The following ADAMTS17 variants were observed in gnomAD, a reference collection of about 807,000 sequenced individuals.
The protein encoded by ADAMTS17 is A disintegrin and metalloproteinase with thrombospondin motifs 17.
In ADAMTS17, 113 loss-of-function variants were observed where a neutral mutation model predicts 141.5. That is an observed-to-expected ratio of 0.80 (90% confidence interval 0.69 to 0.93). The LOEUF (loss-of-function observed/expected upper bound fraction) is 0.93. Ranked by LOEUF, ADAMTS17 falls within the 40% of genes least tolerant of loss-of-function variation. ADAMTS17 has a pLI of 0.00. For missense variants in ADAMTS17, 1,659 were observed against 1,517.9 expected (o/e 1.09, Z -1.54); for synonymous variants, 768 against 630.6 (o/e 1.22, Z -3.27).
chr15:100,054,103 G>A lies in ADAMTS17; in HGVS notation c.2138-49C>T, dbSNP rs760432310. The A allele has an allele frequency of 5.0e-6, 8 of 1,607,888 alleles. No individual in the cohort carries two copies. In the East Asian group the frequency reaches 1.1e-4, roughly 22 times the overall value. The stretch of plus-strand genomic sequence containing the variant: ...AGAATCAAGGGGCTGGGGGTAGGGG[G>A]ATCCAGCCTGTCTTTAAACGGAATC... On this transcript the variant is annotated intron_variant, in intron 15 of 21. Transcript: ENST00000268070.
chr15:100,341,203 G>C lies in ADAMTS17; in HGVS notation c.286C>G (p.Leu96Val), dbSNP rs2046355113. ...GACAGGAAGCGCAGGTCGCGGCGCA[G>C]CTGAAGGTACAGGTCGCGCCCGAAG... ...PAFGRDLYLQLRRDLRFLSRG... is the reference protein window; with the variant it reads ...PAFGRDLYLQVRRDLRFLSRG... Residue 96 changes from leucine to valine, a missense_variant, in exon 2 of 22, where the codon CTG (leucine) becomes GTG (valine). Leu to Val is a conservative substitution (Grantham distance 32). Coordinates refer to ENST00000268070, the MANE Select transcript of ADAMTS17 (RefSeq NM_139057.4). 1 of 1,460,436 alleles carries C rather than the reference G, an allele frequency of 6.8e-7. No individual in the cohort carries two copies. The highest frequency in any genetic ancestry group is 2.3e-5 in the Admixed American group (1 of 43,002). 90.5% of individuals were successfully genotyped at this position (1,460,436 alleles called of 1,614,324 possible).
chr15:100,107,481 C>T lies in ADAMTS17; in HGVS notation c.2016+1508G>A, dbSNP rs1420332412. Among the ~76,000 whole-genome samples the T allele has an allele frequency of 1.7e-4, 26 of 152,084 alleles. 1 individual carries two copies. ...ACGTGGTCATAGGATGACAGGAACG[C>T]GTATGTGTGGCTGAGGGCAGAGCGC... On this transcript the variant is annotated intron_variant, in intron 14 of 21. Coordinates refer to ENST00000268070, the MANE Select transcript of ADAMTS17 (RefSeq NM_139057.4).
At chr15:100,116,133 A>AT (rs1491123439) in intron 13 of ADAMTS17, among the ~76,000 whole-genome samples, 1 of 30,804 alleles carries the variant, frequency 3.2e-5, no homozygotes, top group Non-Finnish European at 6.9e-5. Flanking sequence ...AGTTTTAGGT[A>AT]AAAAAAAAAA....
chr15:100,160,468 T>C (rs1472160111), intron 8 of ADAMTS17, among the ~76,000 whole-genome samples: 1 of 152,162 alleles, frequency 6.6e-6, no homozygotes, highest in Non-Finnish European at 1.5e-5. Flanking sequence ...GGAAGAAAAT[T>C]TCATGAGCTT....
At chr15:100,025,777 C>T (rs8043264) in intron 18 of ADAMTS17, among the ~76,000 whole-genome samples, 1 of 152,032 alleles carries the variant, frequency 6.6e-6, no homozygotes, top group Admixed American at 6.5e-5. Flanking sequence ...TACACTTGAT[C>T]TCAACTTTGT....
intron 8 of ADAMTS17, among the ~76,000 whole-genome samples, chr15:100,188,345 G>A (rs571987444): frequency 8.2e-4 from 124 of 151,934 alleles, no homozygotes; most frequent in African/African-American, 2.9e-3. Context: ...CCGAAATGCT[G>A]GGATTTTAGG....
At chr15:100,341,739 G>T in intron 1 of ADAMTS17, 82 bp downstream of exon 1, 1 of 1,481,476 alleles carries the variant, frequency 6.8e-7, no homozygotes, top group South Asian at 1.3e-5. Flanking sequence ...CGCCGCCCCC[G>T]GGCCGCCAGG....
chr15:100,080,863 T>C (rs933568883), intron 15 of ADAMTS17, among the ~76,000 whole-genome samples: 12 of 152,226 alleles, frequency 7.9e-5, no homozygotes, highest in Non-Finnish European at 1.2e-4. Flanking sequence ...GTACGAAGGA[T>C]AGCTGTAGTA....
At chr15:100,075,506 C>T (rs1261271570) in intron 15 of ADAMTS17, among the ~76,000 whole-genome samples, 2 of 152,140 alleles carry the variant, frequency 1.3e-5, no homozygotes, top group African/African-American at 4.8e-5. Context: ...ATGAGTGGCT[C>T]CATAAAATGT....
intron 12 of ADAMTS17, among the ~76,000 whole-genome samples, chr15:100,120,970 TAA>T (rs2037423172): frequency 6.6e-6 from 1 of 152,104 alleles, no homozygotes; most frequent in Admixed American, 6.5e-5. Flanking sequence ...AAGGCACAGA[TAA>T]AGACAGGAAG....
At position 100,229,712 on chromosome 15, in the gene ADAMTS17, A is replaced by T. The variant is rs74689701; in HGVS notation, c.1075+24424T>A. Among the ~76,000 whole-genome samples, 1,254 of 152,282 alleles carry T rather than the reference A, an allele frequency of 8.2e-3. 11 individuals are homozygous for T. Among genetic ancestry groups the T allele is most frequent in the South Asian group, 0.043 (208 of 4,820 alleles). On this transcript the variant is annotated intron_variant, in intron 7 of 21. Transcript: ENST00000268070. ...TGCTGACACGCCTCCTCCCACAACA[A>T]AACACCCACAGAGCCTCAGGAGAAC...
chr15:100,076,300 C>A lies in ADAMTS17; in HGVS notation c.2137+20056G>T, dbSNP rs2034373096. On this transcript the variant is annotated intron_variant, in intron 15 of 21. Transcript: ENST00000268070. ...TCAGGTGATCCACCTGCCCCGGCCTCCCAAAGTGCTGGGGTTACAGGCGTG... is the reference window on the plus strand; with the variant it reads ...TCAGGTGATCCACCTGCCCCGGCCTACCAAAGTGCTGGGGTTACAGGCGTG... Among the ~76,000 whole-genome samples the A allele has an allele frequency of 2.0e-5, 3 of 152,314 alleles. No homozygotes were observed. The South Asian group carries it at 6.2e-4, about 32-fold the overall frequency.
chr15:100,038,738 T>C (rs1275347542), intron 18 of ADAMTS17, among the ~76,000 whole-genome samples: 1 of 152,262 alleles, frequency 6.6e-6, no homozygotes, highest in African/African-American at 2.4e-5. Context: ...ATTATCTGTA[T>C]ACAAGATCAT....
intron 12 of ADAMTS17, 84 bp downstream of exon 12, chr15:100,131,923 C>G: frequency 1.9e-6 from 3 of 1,600,956 alleles, no homozygotes; most frequent in Non-Finnish European, 2.6e-6. Context: ...GGGAGACAGA[C>G]CCTGCTTTGT....
At chr15:100,157,630 TG>T (rs2039495375) in intron 8 of ADAMTS17, among the ~76,000 whole-genome samples, 1 of 152,152 alleles carries the variant, frequency 6.6e-6, no homozygotes, top group Admixed American at 6.5e-5. Context: ...AGCGAGCATT[TG>T]GTAAAAATAT....
intron 18 of ADAMTS17, among the ~76,000 whole-genome samples, chr15:100,011,336 G>A (rs112758808): frequency 0.047 from 5,945 of 127,548 alleles, 39 homozygotes; most frequent in Admixed American, 0.07. Flanking sequence ...AGGGAGGGAG[G>A]GAAGGAAAGG....
Position 100,132,161 on chromosome 15 carries a change from C to T in ADAMTS17, c.1576-9G>A, listed in dbSNP as rs1184936652. On this transcript the variant is annotated splice_polypyrimidine_tract_variant and intron_variant, in intron 11 of 21. Transcript: ENST00000268070. Reference sequence around the variant, plus strand: ...TCCCCCGCGCGGCACCACTGAAACACAGCGGGGAGGGTCGGGGCCCAGGCA... The same window carrying T: ...TCCCCCGCGCGGCACCACTGAAACATAGCGGGGAGGGTCGGGGCCCAGGCA... 1.2e-6 allele frequency: 2 copies of T among 1,612,576 alleles called. No individual in the cohort carries two copies. Among genetic ancestry groups the T allele is most frequent in the South Asian group, 1.1e-5 (1 of 90,916 alleles).
At chr15:100,090,438 C>A (rs941846837) in intron 15 of ADAMTS17, among the ~76,000 whole-genome samples, 3 of 152,214 alleles carry the variant, frequency 2.0e-5, no homozygotes, top group Non-Finnish European at 4.4e-5. Context: ...GGGCCCTGAT[C>A]AATTCCTTTC....
At chr15:100,147,957 C>T (rs1294601536) in intron 10 of ADAMTS17, among the ~76,000 whole-genome samples, 2 of 152,252 alleles carry the variant, frequency 1.3e-5, no homozygotes, top group South Asian at 4.1e-4. Context: ...TCGCCTTTTC[C>T]AGCTTCTCAT....
Sources: allele counts gnomAD v4.1 joint callset (sites outside exome capture counted in the v4.1 genomes callset), GRCh38; gene constraint gnomAD v4.1.1; transcripts MANE v1.5; gene names NCBI Gene and HGNC (gene_info 2026-07-23, HGNC 2026-07-21).